ADM: variants seen among roughly 807,000 people sequenced by gnomAD.
The protein encoded by ADM is pro-adrenomedullin.
ADM carries 4 observed loss-of-function variants against 9.0 expected under a neutral mutation model. The ratio of observed to expected loss-of-function variants is 0.44; its 90% CI spans 0.22 to 1.02. The LOEUF is 1.02. Among genes scored for constraint, ADM ranks in the 50% least tolerant of loss-of-function variants. ADM has a pLI of 0.24. For synonymous variants in ADM, 107 were observed against 107.2 expected (o/e 1.00, Z 0.01); for missense variants, 253 against 254.1 (o/e 1.00, Z 0.03).
Position 10,306,548 on chromosome 11 carries a change from C to G in ADM, c.465C>G (p.Pro155=), listed in dbSNP as rs753216941. ...GCCGCCGGCGCCGGCGCTCCCTGCCCGAGGCCGGCCCGGGTCGGACTCTGG... is the reference window on the plus strand; with the variant it reads ...GCCGCCGGCGCCGGCGCTCCCTGCCGGAGGCCGGCCCGGGTCGGACTCTGG... ...GYGRRRRRSL[P]EAGPGRTLVS... Residue 155 remains proline (P), a synonymous_variant, in exon 4 of 4, where the codon CCC becomes CCG. Coordinates refer to ENST00000278175, the MANE Select transcript of ADM (RefSeq NM_001124.3). The G allele has an allele frequency of 5.0e-6, 8 of 1,611,772 alleles. No homozygotes were observed. The highest frequency in any genetic ancestry group is 5.9e-6 in the Non-Finnish European group (7 of 1,179,280).
chr11:10,306,179 CG>C (rs1964654015), intron 3 of ADM, 81 bp downstream of exon 3: 11 of 1,566,904 alleles, frequency 7.0e-6, no homozygotes, highest in South Asian at 4.6e-5. Context: ...TCCCCTGGCC[CG>C]GGGGATCGTC....
At chr11:10,306,120 C>A in intron 3 of ADM, 22 bp downstream of exon 3, 1 of 1,611,934 alleles carries the variant, frequency 6.2e-7, no homozygotes, top group South Asian at 1.1e-5. Flanking sequence ...CTGTGCTGTC[C>A]AGGGACGGGA....
At position 10,305,751 on chromosome 11, in the gene ADM, A is replaced by G. The variant is rs5004; in HGVS notation, c.51A>G (p.Leu17=). 3.6e-5 allele frequency: 58 copies of G among 1,614,032 alleles called. No individual in the cohort carries two copies. The highest frequency in any genetic ancestry group is 2.5e-5 in the Non-Finnish European group (30 of 1,180,022). The change falls in exon 2 of 4, where the codon CTA becomes CTG. Residue 17 remains leucine (L), a synonymous_variant. Coordinates refer to ENST00000278175, the MANE Select transcript of ADM (RefSeq NM_001124.3). ...ALMYLGSLAF[L]GADTARLDVA... is the part of the protein sequence containing the mutation. ...TGTACCTGGGTTCGCTCGCCTTCCT[A>G]GGCGCTGACACCGCTCGGTTGGATG...
At position 10,306,610 on chromosome 11, in the gene ADM, C is replaced by A. The variant is rs373588240; in HGVS notation, c.527C>A (p.Pro176His). 80 of 1,564,584 alleles carry A rather than the reference C, an allele frequency of 5.1e-5. No homozygotes were observed. The highest frequency in any genetic ancestry group is 1.4e-4 in the African/African-American group (10 of 72,530). The change falls in exon 4 of 4, where the codon CCC (proline) becomes CAC (histidine). Residue 176 changes from proline (P) to histidine (H), a missense_variant. Physicochemically the swap from Pro to His is moderately conservative, Grantham distance 77. Coordinates refer to ENST00000278175, the MANE Select transcript of ADM (RefSeq NM_001124.3). ...CCACAAGCACACGGGGCTCCAGCCC[C>A]CCCGAGTGGAAGTGCTCCCCACTTT... ...SKPQAHGAPA[P>H]PSGSAPHFL
intron 1 of ADM, chr11:10,305,435 A>C (rs1300660195): frequency 9.8e-6 from 5 of 510,292 alleles, no homozygotes; most frequent in Non-Finnish European, 1.4e-5. Context: ...CCAAGTTCCA[A>C]GAAGTTGAGC....
chr11:10,306,622 G>C lies in ADM; in HGVS notation c.539G>C (p.Ser180Thr). The stretch of plus-strand genomic sequence containing the variant: ...GGGGCTCCAGCCCCCCCGAGTGGAA[G>C]TGCTCCCCACTTTCTTTAGGATTTA... ...AHGAPAPPSGSAPHFL is the reference protein window; with the variant it reads ...AHGAPAPPSGTAPHFL The change falls in exon 4 of 4, where the codon AGT becomes ACT. Residue 180 changes from serine to threonine, a missense_variant. By Grantham distance (58) the Ser-to-Thr change is moderately conservative. Coordinates refer to ENST00000278175, the MANE Select transcript of ADM (RefSeq NM_001124.3). The C allele has an allele frequency of 6.5e-7, 1 of 1,545,396 alleles. No individual in the cohort carries two copies. Among genetic ancestry groups the C allele is most frequent in the Non-Finnish European group, 8.7e-7 (1 of 1,149,124 alleles).
In ADM at chr11:10,306,793, G is replaced by C. The variant is rs1027594141; in HGVS notation, c.*152G>C. On this transcript the variant is annotated 3_prime_UTR_variant, in exon 4 of 4. Coordinates refer to ENST00000278175, the MANE Select transcript of ADM (RefSeq NM_001124.3). ...AGGCACCGTCCGGCGGCGAGCTCTG[G>C]CTTTGCAAGGGCCCCTCCTTCTGGG... The C allele has an allele frequency of 1.4e-6, 1 of 708,208 alleles. No individual in the cohort carries two copies. The highest frequency in any genetic ancestry group is 1.9e-5 in the African/African-American group (1 of 53,528). 43.9% of individuals were successfully genotyped at this position (708,208 alleles called of 1,614,324 possible). A position where few individuals can be genotyped will look rare whatever the true frequency, so the allele number is the denominator to read the frequency against.
rs1174507100 is a variant in ADM at position 10,306,488 on chromosome 11, C to T, written c.405C>T (p.Val135=). ...YQFTDKDKDN[V]APRSKISPQG... ...TCACAGATAAGGACAAGGACAACGTCGCCCCCAGGAGCAAGATCAGCCCCC... is the reference window on the plus strand; with the variant it reads ...TCACAGATAAGGACAAGGACAACGTTGCCCCCAGGAGCAAGATCAGCCCCC... The change falls in exon 4 of 4, where the codon GTC becomes GTT. Residue 135 remains valine (V), a synonymous_variant. Transcript: ENST00000278175. The T allele has an allele frequency of 6.2e-7, 1 of 1,613,416 alleles. No homozygotes were observed. The highest frequency in any genetic ancestry group is 8.5e-7 in the Non-Finnish European group (1 of 1,179,926).
chr11:10,306,311 T>TC, intron 3 of ADM, 21 bp from the exon 4 acceptor site: 1 of 1,543,792 alleles, frequency 6.5e-7, no homozygotes, highest in Non-Finnish European at 8.9e-7. Context: ...TTGCCTTTCT[T>TC]CCCCCTCCCC....
Position 10,306,312 on chromosome 11 carries a change from C to CGGGGGGGGG in ADM, c.249-20_249-19insGGGGGGGGG. On this transcript the variant is annotated intron_variant, in intron 3 of 3. Coordinates refer to ENST00000278175, the MANE Select transcript of ADM (RefSeq NM_001124.3). The stretch of plus-strand genomic sequence containing the variant: ...GATGGGGTCTCAAGTTGCCTTTCTT[C>CGGGGGGGGG]CCCCTCCCCCCGCCCGCAGCAGTCC... 1.4e-6 allele frequency: 1 copy of CGGGGGGGGG among 705,916 alleles called. No homozygotes were observed. The highest frequency in any genetic ancestry group is 2.3e-6 in the Non-Finnish European group (1 of 429,190). The allele number at this position is 705,916 out of a possible 1,614,324, so 43.7% of individuals were successfully genotyped here.
In ADM at chr11:10,306,318, C is replaced by CGGGG; in HGVS notation, c.249-14_249-13insGGGG. The stretch of plus-strand genomic sequence containing the variant: ...GTCTCAAGTTGCCTTTCTTCCCCCT[C>CGGGG]CCCCCGCCCGCAGCAGTCCGGATGC... On this transcript the variant is annotated splice_polypyrimidine_tract_variant and intron_variant, in intron 3 of 3. Transcript: ENST00000278175. The CGGGG allele has an allele frequency of 1.0e-6, 1 of 997,354 alleles. No homozygotes were observed. The highest frequency in any genetic ancestry group is 1.5e-6 in the Non-Finnish European group (1 of 673,592). The allele number at this position is 997,354 out of a possible 1,614,324, so 61.8% of individuals were successfully genotyped here.
chr11:10,306,126 C>G (rs1249013144), intron 3 of ADM, 28 bp downstream of exon 3: 1 of 1,609,934 alleles, frequency 6.2e-7, no homozygotes, highest in South Asian at 1.1e-5. Flanking sequence ...TGTCCAGGGA[C>G]GGGAGGGAAG....
intron 1 of ADM, chr11:10,305,467 C>G: frequency 5.4e-6 from 3 of 558,540 alleles, no homozygotes; most frequent in Non-Finnish European, 9.6e-6. Flanking sequence ...GGGAGCCTGG[C>G]GGGGTGCAGC....
chr11:10,305,829 G>A, intron 2 of ADM, 31 bp downstream of exon 2: 1 of 1,612,974 alleles, frequency 6.2e-7, no homozygotes, highest in Non-Finnish European at 8.5e-7. Flanking sequence ...CCCCCTTGCT[G>A]GTACCTGGCA....
chr11:10,305,485 C>A, intron 1 of ADM, 195 bp from the exon 2 acceptor site: 1 of 576,910 alleles, frequency 1.7e-6, no homozygotes, highest in Non-Finnish European at 3.1e-6. Flanking sequence ...AGCGGCCTCC[C>A]CTGCGGGGCC....
Position 10,305,985 on chromosome 11 carries a change from A to C in ADM, c.135A>C (p.Glu45Asp), listed in dbSNP as rs1360261291. 1.2e-6 allele frequency: 2 copies of C among 1,613,900 alleles called. No individual in the cohort carries two copies. The highest frequency in any genetic ancestry group is 2.7e-5 in the African/African-American group (2 of 74,924). ...GGGCTCTGAGTCGTGGGAAGAGGGAACTGCGGATGTCCAGCAGCTACCCCA... is the reference window on the plus strand; with the variant it reads ...GGGCTCTGAGTCGTGGGAAGAGGGACCTGCGGATGTCCAGCAGCTACCCCA... ...NKWALSRGKR[E>D]LRMSSSYPTG... The change falls in exon 3 of 4, where the codon GAA becomes GAC. Residue 45 changes from glutamate (E) to aspartate (D), a missense_variant. By Grantham distance (45) the Glu-to-Asp change is conservative (BLOSUM62 2). Coordinates refer to ENST00000278175, the MANE Select transcript of ADM (RefSeq NM_001124.3).
At chr11:10,306,218 G>A (rs1161256122) in intron 3 of ADM, 114 bp from the exon 4 acceptor site, 3 of 1,536,082 alleles carry the variant, frequency 2.0e-6, no homozygotes, top group Admixed American at 1.8e-5. Flanking sequence ...CAGATGGCGC[G>A]AGCAGTTTCC....
At chr11:10,305,575 C>G in intron 1 of ADM, 105 bp from the exon 2 acceptor site, 2 of 904,616 alleles carry the variant, frequency 2.2e-6, no homozygotes, top group Non-Finnish European at 3.4e-6. Flanking sequence ...AGGGAAAGCG[C>G]GGGCTAAACC....
chr11:10,306,311 T>TGGGGGGGGCG, intron 3 of ADM, 21 bp from the exon 4 acceptor site: 4 of 1,543,784 alleles, frequency 2.6e-6, no homozygotes, highest in South Asian at 1.1e-5. Flanking sequence ...TTGCCTTTCT[T>TGGGGGGGGCG]CCCCCTCCCC....
Sources: gnomAD v4.1 joint callset for allele counts on GRCh38, gnomAD v4.1.1 for gene constraint, MANE v1.5 for transcripts, NCBI Gene and HGNC (gene_info 2026-07-23, HGNC 2026-07-21) for gene names.